Variants in PDE4D observed in about 807,000 individuals in gnomAD.
The protein encoded by PDE4D is 3',5'-cyclic-AMP phosphodiesterase 4D.
In PDE4D, 24 loss-of-function variants were observed where a neutral mutation model predicts 87.4. The observed-to-expected ratio is 0.27, with a 90% CI of 0.20 to 0.39. The LOEUF (loss-of-function observed/expected upper bound fraction) is 0.39, where lower values mean the gene tolerates loss of function less well. PDE4D is among the 10% of genes least tolerant of loss of function. The probability of loss-of-function intolerance (pLI) is 1.00; values close to 1 mark genes in which losing one functional copy is unlikely to be tolerated. For missense variants in PDE4D, 714 were observed against 1,041.0 expected (o/e 0.69, Z 4.32); for synonymous variants, 384 against 383.2 (o/e 1.00, Z -0.02).
intron 5 of PDE4D, among the ~76,000 whole-genome samples, chr5:59,070,356 AC>A (rs1453912867): frequency 1.3e-5 from 2 of 152,144 alleles, no homozygotes; most frequent in African/African-American, 4.8e-5. Flanking sequence ...CACCCACAAT[AC>A]ATACATGTAT....
chr5:59,417,014 T>C (rs1355717834), intron 1 of PDE4D, among the ~76,000 whole-genome samples: 1 of 152,194 alleles, frequency 6.6e-6, no homozygotes, highest in East Asian at 1.9e-4. Flanking sequence ...CCAAGAGATA[T>C]TCCCACTTTT....
intron 1 of PDE4D, among the ~76,000 whole-genome samples, chr5:59,754,102 G>A (rs1760871333): frequency 6.6e-6 from 1 of 152,160 alleles, no homozygotes; most frequent in African/African-American, 2.4e-5. Context: ...GGCTGAGACA[G>A]GCAGATCTCT....
chr5:59,378,239 AT>A (rs1785069649), intron 1 of PDE4D, among the ~76,000 whole-genome samples: 1 of 152,220 alleles, frequency 6.6e-6, no homozygotes, highest in African/African-American at 2.4e-5. Flanking sequence ...ATGTGAACAC[AT>A]GGACACAAAG....
At chr5:60,038,383 T>A (rs181373830) in intron 2 of PDE4D, among the ~76,000 whole-genome samples, 1 of 152,292 alleles carries the variant, frequency 6.6e-6, no homozygotes, top group African/African-American at 2.4e-5. Context: ...AAATAGGGAA[T>A]CCTTTCCCCA....
At chr5:59,071,807 C>T (rs1764869504) in intron 5 of PDE4D, among the ~76,000 whole-genome samples, 1 of 150,132 alleles carries the variant, frequency 6.7e-6, no homozygotes, top group Admixed American at 6.7e-5. Flanking sequence ...CTGCCTCAGC[C>T]TCCTGAGTAG....
chr5:60,231,242 G>A (rs1167471449), intron 1 of PDE4D, among the ~76,000 whole-genome samples: 1 of 151,952 alleles, frequency 6.6e-6, no homozygotes, highest in East Asian at 1.9e-4. Context: ...CACTGTCCTA[G>A]CTATAGTGAT....
At chr5:59,466,192 C>T (rs2153649038) in intron 1 of PDE4D, among the ~76,000 whole-genome samples, 1 of 152,128 alleles carries the variant, frequency 6.6e-6, no homozygotes, top group East Asian at 1.9e-4. Flanking sequence ...AAGTAAACAT[C>T]TTCCATTTAA....
In PDE4D at chr5:60,132,460, C is replaced by T. The variant is rs567498822; in HGVS notation, c.42+53097G>A. ...AGACAACTTCTTCCCTCATTGTTAACGAATGGTAAATTTAACTATAATTAT... is the reference window on the plus strand; with the variant it reads ...AGACAACTTCTTCCCTCATTGTTAATGAATGGTAAATTTAACTATAATTAT... On this transcript the variant is annotated intron_variant, in intron 2 of 16. Coordinates refer to the PDE4D transcript ENST00000502484. Among the ~76,000 whole-genome samples, 67 of 151,886 alleles carry T rather than the reference C, an allele frequency of 4.4e-4. No homozygotes were observed. In the South Asian group the frequency reaches 4.6e-3, roughly 10 times the overall value.
intron 3 of PDE4D, among the ~76,000 whole-genome samples, chr5:59,952,436 C>G (rs1758395243): frequency 6.6e-6 from 1 of 152,150 alleles, no homozygotes. Context: ...AAAACCCTAA[C>G]CTGGCATTAG....
At chr5:59,176,679 T>C (rs1783941703) in intron 5 of PDE4D, among the ~76,000 whole-genome samples, 1 of 152,204 alleles carries the variant, frequency 6.6e-6, no homozygotes, top group Non-Finnish European at 1.5e-5. Flanking sequence ...TGGTATGTGA[T>C]ATGTAGACTG....
chr5:59,116,562 A>G (rs1473040772), intron 5 of PDE4D, among the ~76,000 whole-genome samples: 1 of 152,218 alleles, frequency 6.6e-6, no homozygotes, highest in African/African-American at 2.4e-5. Flanking sequence ...CAACTGCCCT[A>G]TTATTGAATT....
At chr5:59,028,562 G>A (rs1265025347) in intron 6 of PDE4D, among the ~76,000 whole-genome samples, 4 of 151,240 alleles carry the variant, frequency 2.6e-5, no homozygotes, top group African/African-American at 4.9e-5. Flanking sequence ...GAAAACTGAA[G>A]CACAGAAGGC....
intron 1 of PDE4D, among the ~76,000 whole-genome samples, chr5:60,197,076 G>GACAGACAGA (rs1583041320): frequency 1.4e-5 from 1 of 73,168 alleles, no homozygotes; most frequent in African/African-American, 4.6e-5. Context: ...TAGATAGACA[G>GACAGACAGA]TTAGATAGAT....
chr5:59,712,198 A>AG (rs1211717973), intron 1 of PDE4D, among the ~76,000 whole-genome samples: 1 of 151,758 alleles, frequency 6.6e-6, no homozygotes, highest in African/African-American at 2.4e-5. Flanking sequence ...GCAGTCCATA[A>AG]GTAAAGAATT....
chr5:60,408,894 A>G (rs750595890), intron 1 of PDE4D, among the ~76,000 whole-genome samples: 1 of 152,152 alleles, frequency 6.6e-6, no homozygotes, highest in Non-Finnish European at 1.5e-5. Flanking sequence ...CATGTCACCA[A>G]TGTTAATAAT....
rs567015758 is a variant in PDE4D, at chr5:59,779,299, T to A, written c.455+113869A>T. Among the ~76,000 whole-genome samples the A allele has an allele frequency of 8.5e-5, 13 of 152,298 alleles. No individual in the cohort carries two copies. In the East Asian group the frequency reaches 2.5e-3, roughly 29 times the overall value. On this transcript the variant is annotated intron_variant, in intron 1 of 14. Transcript: ENST00000340635. ...AAAAGTTCTGCAGAACTCTAAAGTT[T>A]CTGTAGCCCTCCATCCCCAAACTCA... is the stretch of plus-strand genomic sequence containing the variant.
chr5:59,388,563 A>C (rs1787563354), intron 1 of PDE4D, among the ~76,000 whole-genome samples: 1 of 151,950 alleles, frequency 6.6e-6, no homozygotes, highest in African/African-American at 2.4e-5. Context: ...CATTATTTAC[A>C]ATAGCAAAGA....
chr5:60,486,160 T>C (rs1688405222), intron 1 of PDE4D, among the ~76,000 whole-genome samples: 1 of 152,214 alleles, frequency 6.6e-6, no homozygotes. Flanking sequence ...TCAACTCTAC[T>C]ACTTCTTACT....
At chr5:59,328,446 T>G (rs1348622071) in intron 1 of PDE4D, among the ~76,000 whole-genome samples, 1 of 152,220 alleles carries the variant, frequency 6.6e-6, no homozygotes, top group East Asian at 1.9e-4. Context: ...TAGCTAGCAT[T>G]TGATTTATCT....
Sources: gnomAD v4.1 joint callset for allele counts (sites outside exome capture counted in the v4.1 genomes callset) on GRCh38, gnomAD v4.1.1 for gene constraint, MANE v1.5 for transcripts, NCBI Gene and HGNC (gene_info 2026-07-23, HGNC 2026-07-21) for gene names.